Variants in GUCY1B1 observed in about 807,000 individuals in gnomAD.
GUCY1B1 encodes guanylate cyclase soluble subunit beta-1.
GUCY1B1 carries 43 observed loss-of-function variants against 71.0 expected under a neutral mutation model. The observed-to-expected ratio is 0.61, with a 90% CI of 0.47 to 0.78. GUCY1B1 has a LOEUF of 0.78. GUCY1B1 is among the 30% of genes least tolerant of loss of function. The probability of loss-of-function intolerance (pLI) is 0.00; values close to 1 mark genes in which losing one functional copy is unlikely to be tolerated. For synonymous variants in GUCY1B1, 266 were observed against 259.7 expected (o/e 1.02, Z -0.23); for missense variants, 535 against 754.1 (o/e 0.71, Z 3.40).
intron 2 of GUCY1B1, among the ~76,000 whole-genome samples, chr4:155,773,308 A>T (rs566311814): frequency 6.6e-6 from 1 of 152,324 alleles, no homozygotes; most frequent in South Asian, 2.1e-4. Flanking sequence ...CATGCGTAGT[A>T]GGTGGCAGTG....
intron 6 of GUCY1B1, among the ~76,000 whole-genome samples, chr4:155,794,872 C>T (rs1739440216): frequency 6.6e-6 from 1 of 152,104 alleles, no homozygotes; most frequent in Admixed American, 6.6e-5. Flanking sequence ...GAATAGAAAG[C>T]ATATGAAAAA....
intron 5 of GUCY1B1, among the ~76,000 whole-genome samples, chr4:155,790,374 T>C (rs1399533760): frequency 1.3e-5 from 2 of 152,216 alleles, no homozygotes; most frequent in African/African-American, 2.4e-5. Flanking sequence ...TGAAAGTGTT[T>C]GTTTTTGTTT....
rs557162571 is a variant in GUCY1B1, at chr4:155,790,550, C to T, written c.495+639C>T. Among the ~76,000 whole-genome samples, 5 of 152,296 alleles carry T rather than the reference C, an allele frequency of 3.3e-5. No homozygotes were observed. In the East Asian group the frequency reaches 7.7e-4, roughly 24 times the overall value. On this transcript the variant is annotated intron_variant, in intron 5 of 13. Transcript: ENST00000264424. ...TGTTTCTCTTTACCTCTGGCCCTTA[C>T]GGTTTCTCCCAGTCAGGCTGCTTTT...
In GUCY1B1 at chr4:155,806,645, A is replaced by C. The variant is rs770017583; in HGVS notation, c.*236A>C. ...TAAAGTTTGGCTTTTGATGTGGATG[A>C]TGTGAGCTTCATGTGTCTTAAAATC... On this transcript the variant is annotated 3_prime_UTR_variant, in exon 14 of 14. Coordinates refer to ENST00000264424, the MANE Select transcript of GUCY1B1 (RefSeq NM_000857.5). 9.4e-6 allele frequency: 4 copies of C among 426,868 alleles called. No individual in the cohort carries two copies. Among genetic ancestry groups the C allele is most frequent in the African/African-American group, 2.0e-5 (1 of 49,252 alleles). The allele number at this position is 426,868 out of a possible 1,614,324, so 26.4% of individuals were successfully genotyped here.
intron 2 of GUCY1B1, 74 bp from the exon 3 acceptor site, chr4:155,774,894 A>T: frequency 1.2e-6 from 1 of 846,570 alleles, no homozygotes; most frequent in African/African-American, 1.7e-5. Context: ...TTGTTTATAC[A>T]ATTATTATAC....
intron 4 of GUCY1B1, among the ~76,000 whole-genome samples, chr4:155,778,951 C>G (rs2111052470): frequency 6.6e-6 from 1 of 151,680 alleles, no homozygotes; most frequent in Admixed American, 6.6e-5. Context: ...AACAAAGATT[C>G]AAGTGGTTTT....
In GUCY1B1 at chr4:155,759,074, T is replaced by G. The variant is rs1007234043; in HGVS notation, c.-67T>G. 4.7e-5 allele frequency: 72 copies of G among 1,542,186 alleles called. No individual in the cohort carries two copies. Among genetic ancestry groups the G allele is most frequent in the Non-Finnish European group, 6.0e-5 (68 of 1,135,410 alleles). ...CGGTTGCGCTGTAGCCGCTGCCGCC[T>G]CTGCCTGGGTCCCTTCGGCCGTACC... is the stretch of plus-strand genomic sequence containing the variant. On this transcript the variant is annotated 5_prime_UTR_variant, in exon 1 of 14. Coordinates refer to ENST00000264424, the MANE Select transcript of GUCY1B1 (RefSeq NM_000857.5).
intron 4 of GUCY1B1, among the ~76,000 whole-genome samples, chr4:155,782,326 T>C (rs1738490052): frequency 6.6e-6 from 1 of 152,138 alleles, no homozygotes; most frequent in African/African-American, 2.4e-5. Context: ...CCTGACCTCG[T>C]GATCCGCCCG....
At chr4:155,773,802 C>T (rs972393892) in intron 2 of GUCY1B1, among the ~76,000 whole-genome samples, 13 of 152,190 alleles carry the variant, frequency 8.5e-5, no homozygotes, top group African/African-American at 2.4e-4. Context: ...ATTCTCCTGC[C>T]TCAGCCTCCC....
chr4:155,788,923 TA>T (rs5863177), intron 4 of GUCY1B1, among the ~76,000 whole-genome samples: 7,573 of 152,212 alleles, frequency 0.05, 283 homozygotes, highest in Non-Finnish European at 0.072. Context: ...TTGGGCCACA[TA>T]AAATGTATAG....
chr4:155,796,343 G>C (rs762166734), intron 7 of GUCY1B1, 34 bp from the exon 8 acceptor site: 11 of 1,596,992 alleles, frequency 6.9e-6, no homozygotes, highest in Non-Finnish European at 7.7e-6. Context: ...AGGGAGAAAG[G>C]CATTCATTAA....
At chr4:155,805,000 C>A in intron 12 of GUCY1B1, 103 bp from the exon 13 acceptor site, 1 of 1,007,898 alleles carries the variant, frequency 9.9e-7, no homozygotes, top group Non-Finnish European at 1.5e-6. Context: ...AGTACAACTT[C>A]AGCATTTGTT....
intron 5 of GUCY1B1, among the ~76,000 whole-genome samples, chr4:155,791,229 C>T (rs1739133832): frequency 6.6e-6 from 1 of 151,506 alleles, no homozygotes; most frequent in African/African-American, 2.4e-5. Context: ...ATTCTCCTGC[C>T]TCAGCCTCCC....
chr4:155,804,485 A>T lies in GUCY1B1; in HGVS notation c.1555-108A>T, dbSNP rs923038546. On this transcript the variant is annotated intron_variant, in intron 11 of 13. Transcript: ENST00000264424. ...CATGGCACATATATACCTATGTAAC[A>T]AACCTGCACCTTCTGCACCTGTATG... 19 of 817,732 alleles carry T rather than the reference A, an allele frequency of 2.3e-5. No individual in the cohort carries two copies. In the African/African-American group the frequency reaches 3.1e-4, roughly 13 times the overall value. The allele number at this position is 817,732 out of a possible 1,614,324, so 50.7% of individuals were successfully genotyped here. A position where few individuals can be genotyped will look rare whatever the true frequency, so the allele number is the denominator to read the frequency against.
At chr4:155,785,214 A>G (rs961288441) in intron 4 of GUCY1B1, 10 of 708,778 alleles carry the variant, frequency 1.4e-5, no homozygotes, top group Non-Finnish European at 2.1e-5. Context: ...AAATAGATGA[A>G]TGGACCTACT....
At position 155,802,497 on chromosome 4, in the gene GUCY1B1, T is replaced by G. The variant is rs1320928311; in HGVS notation, c.1331T>G (p.Met444Arg). ...CSKHASGEGA[M>R]KIVNLLNDLY... is the part of the protein sequence containing the mutation. ...AAGCATGCATCTGGAGAAGGAGCCA[T>G]GAAGATCGTCAACCTCCTCAACGAC... The change falls in exon 10 of 14, where the codon ATG becomes AGG. Residue 444 changes from methionine to arginine, a missense_variant. Met to Arg is a moderately conservative substitution (Grantham distance 91). Transcript: ENST00000264424. The surrounding 1 kb of genome is among the most constrained non-coding windows in gnomAD (Gnocchi z 4.3). 1 of 1,613,672 alleles carries G rather than the reference T, an allele frequency of 6.2e-7. No homozygotes were observed. Among genetic ancestry groups the G allele is most frequent in the South Asian group, 1.1e-5 (1 of 91,072 alleles).
chr4:155,780,547 T>C (rs771165461), intron 4 of GUCY1B1, among the ~76,000 whole-genome samples: 38 of 152,200 alleles, frequency 2.5e-4, no homozygotes, highest in Non-Finnish European at 3.7e-4. Flanking sequence ...AAGCCAGAGA[T>C]CATGTATAAT....
chr4:155,774,731 G>A (rs567317634), intron 2 of GUCY1B1, among the ~76,000 whole-genome samples: 215 of 152,212 alleles, frequency 1.4e-3, no homozygotes, highest in African/African-American at 4.9e-3. Context: ...ACTATGTACT[G>A]TTAATCTTGC....
At chr4:155,799,841 T>A (rs373166124) in intron 8 of GUCY1B1, 36 bp from the exon 9 acceptor site, 6 of 1,312,502 alleles carry the variant, frequency 4.6e-6, no homozygotes, top group African/African-American at 4.4e-5. Flanking sequence ...TGTATATAAG[T>A]TGAGACTGAT....
Sources: gnomAD v4.1 joint callset for allele counts (sites outside exome capture counted in the v4.1 genomes callset) on GRCh38, gnomAD v4.1.1 for gene constraint, Gnocchi (gnomAD v3.1) non-coding constraint, MANE v1.5 for transcripts, NCBI Gene and HGNC (gene_info 2026-07-23, HGNC 2026-07-21) for gene names.